GCNT2: variants seen among roughly 807,000 people sequenced by gnomAD.
The protein encoded by GCNT2 is N-acetyllactosaminide beta-1,6-N-acetylglucosaminyl-transferase.
Under a neutral mutation model 34.2 loss-of-function variants are expected in GCNT2, and 34 were observed. The ratio of observed to expected loss-of-function variants is 1.00; its 90% CI spans 0.76 to 1.32. The LOEUF (loss-of-function observed/expected upper bound fraction) is 1.32. Among genes scored for constraint, GCNT2 ranks in the 40% most tolerant of loss-of-function variants. The pLI is 0.00. For missense variants in GCNT2, 584 were observed against 489.4 expected (o/e 1.19, Z -1.82); for synonymous variants, 212 against 188.0 (o/e 1.13, Z -1.04).
At chr6:10,556,432 A>G (rs780755284) in intron 3 of GCNT2, 4 of 1,614,002 alleles carry the variant, frequency 2.5e-6, no homozygotes, top group Non-Finnish European at 3.4e-6. Context: ...GCATGCCTTT[A>G]TCAATGCGTT....
At chr6:10,611,820 C>T (rs540937905) in intron 3 of GCNT2, among the ~76,000 whole-genome samples, 35 of 152,130 alleles carry the variant, frequency 2.3e-4, no homozygotes, top group Admixed American at 2.2e-3. Context: ...AGATGTATAT[C>T]AATAAACTTT....
At chr6:10,523,007 T>C (rs1018728027) in intron 1 of GCNT2, among the ~76,000 whole-genome samples, 7 of 152,240 alleles carry the variant, frequency 4.6e-5, no homozygotes, top group African/African-American at 1.7e-4. Flanking sequence ...CAGATATCTT[T>C]TCATGTGCAA....
chr6:10,613,450 G>A (rs1383451667), intron 3 of GCNT2, among the ~76,000 whole-genome samples: 4 of 151,856 alleles, frequency 2.6e-5, no homozygotes, highest in Non-Finnish European at 4.4e-5. Context: ...TGAAGGGTAC[G>A]GTCCTACCCA....
chr6:10,618,355 T>C (rs1251196191), intron 3 of GCNT2, among the ~76,000 whole-genome samples: 1 of 152,212 alleles, frequency 6.6e-6, no homozygotes, highest in Non-Finnish European at 1.5e-5. Context: ...TTAGTAGGTG[T>C]TATGTGTTCA....
Position 10,547,647 on chromosome 6 carries a change from G to C in GCNT2, c.925+17811G>C, listed in dbSNP as rs908756880. ...AGGAAGTGTTTTTATTTATTACTAA[G>C]TAGATATCCTGTTTATCAAACAATC... On this transcript the variant is annotated intron_variant, in intron 3 of 4. Transcript: ENST00000495262. Among the ~76,000 whole-genome samples the C allele has an allele frequency of 9.2e-5, 14 of 152,298 alleles. 1 individual carries two copies. Among genetic ancestry groups the C allele is most frequent in the Admixed American group, 2.0e-4 (3 of 15,294 alleles).
At chr6:10,564,091 T>C (rs1763172553) in intron 3 of GCNT2, among the ~76,000 whole-genome samples, 1 of 152,120 alleles carries the variant, frequency 6.6e-6, no homozygotes, top group Non-Finnish European at 1.5e-5. Context: ...TTTTGGCTTT[T>C]TCATGTGAGC....
chr6:10,575,091 C>T (rs1763743346), intron 3 of GCNT2: 2 of 532,848 alleles, frequency 3.8e-6, no homozygotes, highest in Non-Finnish European at 7.0e-6. Flanking sequence ...TTGAACAGTA[C>T]CCATTCCCTT....
intron 3 of GCNT2, among the ~76,000 whole-genome samples, chr6:10,598,649 A>G (rs1764958339): frequency 6.6e-6 from 1 of 152,114 alleles, no homozygotes; most frequent in Non-Finnish European, 1.5e-5. Context: ...CACCTCTCTG[A>G]TTGTTCTTAA....
chr6:10,538,460 T>C (rs2113569204), intron 3 of GCNT2, among the ~76,000 whole-genome samples: 1 of 125,524 alleles, frequency 8.0e-6, no homozygotes, highest in East Asian at 2.1e-4. Flanking sequence ...ATATATATGT[T>C]GAACTCTCAT....
At chr6:10,557,249 C>G in intron 3 of GCNT2, 2 of 1,603,958 alleles carry the variant, frequency 1.2e-6, no homozygotes, top group South Asian at 2.2e-5. Context: ...CAACTTTGTT[C>G]TGCATGACCC....
intron 3 of GCNT2, among the ~76,000 whole-genome samples, chr6:10,579,464 T>C (rs762320924): frequency 6.6e-6 from 1 of 152,220 alleles, no homozygotes; most frequent in African/African-American, 2.4e-5. Flanking sequence ...TTTCAAGTCC[T>C]TTCATAGACA....
At chr6:10,581,032 G>A (rs954534612) in intron 3 of GCNT2, among the ~76,000 whole-genome samples, 1 of 152,304 alleles carries the variant, frequency 6.6e-6, no homozygotes, top group Non-Finnish European at 1.5e-5. Flanking sequence ...CAGAAATAAT[G>A]CCCTGGTTGG....
intron 3 of GCNT2, among the ~76,000 whole-genome samples, chr6:10,533,756 A>G (rs888922965): frequency 7.0e-6 from 1 of 143,752 alleles, no homozygotes; most frequent in Non-Finnish European, 1.5e-5. Flanking sequence ...AGTTGAGATC[A>G]TGCCACTGTA....
In GCNT2 at chr6:10,529,324, G is replaced by A. The variant is rs1267644729; in HGVS notation, c.413G>A (p.Gly138Asp). 1.9e-6 allele frequency: 3 copies of A among 1,614,058 alleles called. No individual in the cohort carries two copies. ...LDQKATDAFKGAVKQLLSCFP... is the reference protein window; with the variant it reads ...LDQKATDAFKDAVKQLLSCFP... ...CAGAAGGCGACGGATGCCTTTAAAG[G>A]TGCAGTGAAACAGTTACTCAGCTGC... The change falls in exon 3 of 5, where the codon GGT becomes GAT. Residue 138 changes from glycine to aspartate, a missense_variant. By Grantham distance (94) the Gly-to-Asp change is moderately conservative. Coordinates refer to ENST00000495262, the MANE Select transcript of GCNT2 (RefSeq NM_145649.5).
Position 10,589,088 on chromosome 6 carries a change from TGTG to T in GCNT2, c.926-32259_926-32257del, listed in dbSNP as rs1426336407. Among the ~76,000 whole-genome samples the T allele has an allele frequency of 3.6e-4, 44 of 121,938 alleles. No homozygotes were observed. The East Asian group carries it at 4.3e-3, about 12-fold the overall frequency. The allele number at this position is 121,938 out of a possible 152,430, so 80.0% of individuals were successfully genotyped here. On this transcript the variant is annotated intron_variant, in intron 3 of 4. Coordinates refer to ENST00000495262, the MANE Select transcript of GCNT2 (RefSeq NM_145649.5). Reference sequence around the variant, plus strand: ...TGTGTAGTGTGTGGCGTGTTTGTAGTGTGGTGTGTGTGTAGTGTGTGTGTGGTG... The same window carrying T: ...TGTGTAGTGTGTGGCGTGTTTGTAGTGTGTGTGTGTAGTGTGTGTGTGGTG...
chr6:10,555,830 A>G (rs1387535432), intron 3 of GCNT2: 1 of 985,274 alleles, frequency 1.0e-6, no homozygotes, highest in Admixed American at 6.1e-5. Flanking sequence ...GTTTCCTGAA[A>G]CAGCACGTTG....
In GCNT2 at chr6:10,547,828, CTTAT is replaced by C. The variant is rs201522579; in HGVS notation, c.925+18001_925+18004del. Among the ~76,000 whole-genome samples the C allele has an allele frequency of 6.2e-3, 945 of 152,228 alleles. 8 individuals are homozygous for C. Among genetic ancestry groups the C allele is most frequent in the African/African-American group, 0.022 (904 of 41,526 alleles). ...AGCCATCCCTTCTCCTGTGTGTTGG[CTTAT>C]TTATTTATATCTCTGGGGACTTAGA... On this transcript the variant is annotated intron_variant, in intron 3 of 4. Coordinates refer to ENST00000495262, the MANE Select transcript of GCNT2 (RefSeq NM_145649.5).
At chr6:10,546,919 C>G (rs981433325) in intron 3 of GCNT2, among the ~76,000 whole-genome samples, 2 of 152,160 alleles carry the variant, frequency 1.3e-5, no homozygotes, top group African/African-American at 4.8e-5. Context: ...GCACACCCAT[C>G]TGTATATAAA....
intron 3 of GCNT2, among the ~76,000 whole-genome samples, chr6:10,615,930 T>G (rs1388535566): frequency 6.6e-6 from 1 of 152,202 alleles, no homozygotes; most frequent in Non-Finnish European, 1.5e-5. Context: ...ACTGTTTATA[T>G]CAGCAAGGTC....
Sources: gnomAD v4.1 joint callset for allele counts (sites outside exome capture counted in the v4.1 genomes callset) on GRCh38, gnomAD v4.1.1 for gene constraint, MANE v1.5 for transcripts, NCBI Gene and HGNC (gene_info 2026-07-23, HGNC 2026-07-21) for gene names.